SCARB2: variants seen among roughly 807,000 people sequenced by gnomAD.
SCARB2 encodes the protein lysosome membrane protein 2.
A neutral mutation model predicts 58.6 loss-of-function variants in SCARB2; 29 were observed. The observed-to-expected ratio is 0.49, with a 90% confidence interval of 0.37 to 0.67. The LOEUF (loss-of-function observed/expected upper bound fraction) is 0.67, where lower values mean the gene tolerates loss of function less well. Ranked by LOEUF, SCARB2 falls within the 30% of genes least tolerant of loss-of-function variation. SCARB2 has a pLI of 0.00. For synonymous variants in SCARB2, 195 were observed against 210.1 expected (o/e 0.93, Z 0.62); for missense variants, 488 against 578.5 (o/e 0.84, Z 1.60).
At chr4:76,197,302 T>G (rs574568456) in intron 1 of SCARB2, among the ~76,000 whole-genome samples, 4 of 152,334 alleles carry the variant, frequency 2.6e-5, no homozygotes, top group Admixed American at 2.6e-4. Context: ...AGGATGTGGG[T>G]GGAATGGCAA....
intron 5 of SCARB2, chr4:76,176,128 T>G: frequency 9.6e-6 from 6 of 624,312 alleles, no homozygotes; most frequent in Non-Finnish European, 2.8e-6. Context: ...GCCCAAAACA[T>G]GTGGTGGTTT....
At chr4:76,223,487 T>C (rs1294122311) in intron 1 of SCARB2, among the ~76,000 whole-genome samples, 1 of 152,194 alleles carries the variant, frequency 6.6e-6, no homozygotes, top group Non-Finnish European at 1.5e-5. Context: ...CAGAATGTGA[T>C]GTGCATCACA....
chr4:76,196,496 T>C (rs986351723), intron 1 of SCARB2, among the ~76,000 whole-genome samples: 4 of 152,190 alleles, frequency 2.6e-5, no homozygotes, highest in African/African-American at 7.2e-5. Context: ...TTGTTATTTT[T>C]GAAGATTCCA....
intron 9 of SCARB2, among the ~76,000 whole-genome samples, 170 bp downstream of exon 9, chr4:76,168,233 G>A (rs1412369200): frequency 2.6e-5 from 4 of 152,200 alleles, no homozygotes; most frequent in African/African-American, 9.6e-5. Context: ...AATAAAACAA[G>A]TAAATTCCAA....
At chr4:76,191,404 C>CACCA (rs5859502) in intron 2 of SCARB2, among the ~76,000 whole-genome samples, 4,208 of 152,186 alleles carry the variant, frequency 0.028, 152 homozygotes, top group African/African-American at 0.087. Flanking sequence ...TAGGTGGGGC[C>CACCA]TGGTAGGTGT....
intron 3 of SCARB2, chr4:76,180,504 C>T (rs1188256226): frequency 6.5e-6 from 1 of 154,784 alleles, no homozygotes; most frequent in Non-Finnish European, 1.4e-5. Flanking sequence ...AGTAGGCTGC[C>T]AGTCTATTGA....
chr4:76,204,261 T>C (rs1179560427), intron 1 of SCARB2, among the ~76,000 whole-genome samples: 1 of 152,210 alleles, frequency 6.6e-6, no homozygotes, highest in Non-Finnish European at 1.5e-5. Flanking sequence ...AGAAAGAAAC[T>C]GCCATTAACA....
At chr4:76,172,152 T>C (rs541820816) in intron 7 of SCARB2, among the ~76,000 whole-genome samples, 1 of 148,796 alleles carries the variant, frequency 6.7e-6, no homozygotes, top group Non-Finnish European at 1.5e-5. Context: ...AATATATACA[T>C]GTGGCTGTTA....
intron 1 of SCARB2, among the ~76,000 whole-genome samples, chr4:76,212,849 A>G (rs1351695526): frequency 6.6e-6 from 1 of 152,230 alleles, no homozygotes; most frequent in Non-Finnish European, 1.5e-5. Context: ...AGCAACACAG[A>G]CTGTTGGTAC....
chr4:76,207,379 C>T (rs961536282), intron 1 of SCARB2, among the ~76,000 whole-genome samples: 2 of 152,044 alleles, frequency 1.3e-5, no homozygotes, highest in Non-Finnish European at 2.9e-5. Context: ...ATATGAGGGG[C>T]CCAGGAGTTT....
chr4:76,212,483 A>G (rs1733071771), intron 1 of SCARB2, among the ~76,000 whole-genome samples: 1 of 152,248 alleles, frequency 6.6e-6, no homozygotes, highest in African/African-American at 2.4e-5. Flanking sequence ...AAAGTAGACT[A>G]GGCCTGGGCT....
chr4:76,159,273 C>T lies in SCARB2; in HGVS notation c.*2440G>A, dbSNP rs1235978604. On this transcript the variant is annotated 3_prime_UTR_variant, in exon 12 of 12. Transcript: ENST00000264896. ...GGGGGTCTTTCTAAGATAACTGCCG[C>T]AAGAAAATGAGCATGAGAAATAATT... 6.6e-6 allele frequency: 1 copy of T among 152,168 alleles called. No individual in the cohort carries two copies. Among genetic ancestry groups the T allele is most frequent in the Non-Finnish European group, 1.5e-5 (1 of 68,038 alleles). 9.4% of individuals were successfully genotyped at this position (152,168 alleles called of 1,614,324 possible).
At chr4:76,179,903 G>T in intron 3 of SCARB2, 198 bp from the exon 4 acceptor site, 1 of 628,740 alleles carries the variant, frequency 1.6e-6, no homozygotes, top group Non-Finnish European at 2.8e-6. Flanking sequence ...TCCCAGTACT[G>T]CATTTTGTAA....
In SCARB2 at chr4:76,159,371, T is replaced by C. The variant is rs1488736680; in HGVS notation, c.*2342A>G. 1 of 152,236 alleles carries C rather than the reference T, an allele frequency of 6.6e-6. No homozygotes were observed. The highest frequency in any genetic ancestry group is 1.5e-5 in the Non-Finnish European group (1 of 68,042). 9.4% of individuals were successfully genotyped at this position (152,236 alleles called of 1,614,324 possible). On this transcript the variant is annotated 3_prime_UTR_variant, in exon 12 of 12. Transcript: ENST00000264896. ...TAATTTTGACTGTAGTTTGTAGATC[T>C]GTCTCAGACTTTTCAGAAGGATAGT... is the stretch of plus-strand genomic sequence containing the variant.
At chr4:76,228,522 T>A (rs973619868) in intron 1 of SCARB2, among the ~76,000 whole-genome samples, 2 of 152,150 alleles carry the variant, frequency 1.3e-5, no homozygotes, top group Admixed American at 6.6e-5. Flanking sequence ...AGAATTCCTT[T>A]TAGCATTTCT....
In SCARB2 at chr4:76,213,699, C is replaced by T; in HGVS notation, c.-156G>A. The T allele has an allele frequency of 1.8e-6, 1 of 560,710 alleles. No homozygotes were observed. 34.7% of individuals were successfully genotyped at this position (560,710 alleles called of 1,614,324 possible). On this transcript the variant is annotated 5_prime_UTR_variant, in exon 1 of 12. Transcript: ENST00000264896. Reference sequence around the variant, plus strand: ...GGTTCGTGCGCGCAGCTCTGGGCTCCGCGGCCTGGCGAGCGCGGCCCCGGG... The same window carrying T: ...GGTTCGTGCGCGCAGCTCTGGGCTCTGCGGCCTGGCGAGCGCGGCCCCGGG...
upstream of SCARB2, among the ~76,000 whole-genome samples, chr4:76,218,694 G>A (rs750385144): frequency 1.3e-5 from 2 of 152,096 alleles, no homozygotes; most frequent in African/African-American, 2.4e-5. Flanking sequence ...ATTGAAACAC[G>A]GAACTAGGAG....
intron 11 of SCARB2, 27 bp downstream of exon 11, chr4:76,163,198 G>A: frequency 6.2e-7 from 1 of 1,613,980 alleles, no homozygotes; most frequent in Non-Finnish European, 8.5e-7. Flanking sequence ...ATCCAGTAAG[G>A]AAGAAGTTCC....
chr4:76,175,591 C>T, intron 6 of SCARB2, 200 bp downstream of exon 6: 2 of 649,094 alleles, frequency 3.1e-6, no homozygotes, highest in South Asian at 3.8e-5. Context: ...AGTGGTAGAG[C>T]CAAGATTCAA....
Sources: allele counts gnomAD v4.1 joint callset (sites outside exome capture counted in the v4.1 genomes callset), GRCh38; gene constraint gnomAD v4.1.1; transcripts MANE v1.5; gene names NCBI Gene and HGNC (gene_info 2026-07-23, HGNC 2026-07-21).